Variants in RBFOX1 observed in about 807,000 individuals in gnomAD.
RBFOX1 encodes the protein RNA binding protein fox-1 homolog 1.
Under a neutral mutation model 57.7 loss-of-function variants are expected in RBFOX1, and 8 were observed. That is an observed-to-expected ratio of 0.14 (90% CI 0.08 to 0.25). The LOEUF (loss-of-function observed/expected upper bound fraction) is 0.25. Ranked by LOEUF, RBFOX1 falls within the 10% of genes least tolerant of loss-of-function variation. The pLI is 1.00. For missense variants in RBFOX1, 611 were observed against 548.5 expected (o/e 1.11, Z -1.14); for synonymous variants, 326 against 222.4 (o/e 1.47, Z -4.15).
chr16:6,296,276 T>G, intron 1 of RBFOX1, among the ~76,000 whole-genome samples: 1 of 152,118 alleles, frequency 6.6e-6, no homozygotes, highest in South Asian at 2.1e-4. Flanking sequence ...GGATAAACAT[T>G]TGGCTCCGGA....
chr16:6,981,425 T>G (rs1204168100), intron 3 of RBFOX1, among the ~76,000 whole-genome samples: 1 of 152,172 alleles, frequency 6.6e-6, no homozygotes, highest in Non-Finnish European at 1.5e-5. Context: ...GGACATCATC[T>G]TATTCTTACT....
intron 2 of RBFOX1, among the ~76,000 whole-genome samples, chr16:6,608,181 C>T (rs888128552): frequency 1.3e-5 from 2 of 152,150 alleles, no homozygotes; most frequent in African/African-American, 2.4e-5. Context: ...TATTTTGAGT[C>T]TGTATCCTTG....
intron 4 of RBFOX1, among the ~76,000 whole-genome samples, chr16:7,142,398 T>C (rs1401651072): frequency 6.6e-6 from 1 of 152,176 alleles, no homozygotes. Context: ...CCTGAGCTTC[T>C]TGTTGATGTC....
At chr16:7,654,034 C>T in intron 12 of RBFOX1, 87 bp downstream of exon 12, 1 of 1,366,582 alleles carries the variant, frequency 7.3e-7, no homozygotes, top group East Asian at 2.7e-5. Context: ...GCATGATGGT[C>T]TTGACTCCCC....
At chr16:7,037,630 TGTGATAG>T (rs1488197139) in intron 3 of RBFOX1, among the ~76,000 whole-genome samples, 1 of 152,220 alleles carries the variant, frequency 6.6e-6, no homozygotes, top group Admixed American at 6.5e-5. Context: ...GTGCTTTCCG[TGTGATAG>T]GCACTCTTCT....
chr16:6,995,781 CA>C (rs1057339461), intron 3 of RBFOX1, among the ~76,000 whole-genome samples: 1 of 151,400 alleles, frequency 6.6e-6, no homozygotes, highest in Non-Finnish European at 1.5e-5. Flanking sequence ...TAATAAAAAA[CA>C]AAAAAAGGGA....
At chr16:5,885,096 A>G (rs552149622) in intron 4 of RBFOX1, among the ~76,000 whole-genome samples, 1 of 152,196 alleles carries the variant, frequency 6.6e-6, no homozygotes, top group Admixed American at 6.5e-5. Context: ...CATTCTCCAA[A>G]TGGAGAAGCT....
Position 6,859,143 on chromosome 16 carries a change from A to ATATATG in RBFOX1, c.-15-192909_-15-192908insGTATAT, listed in dbSNP as rs1555536791. Among the ~76,000 whole-genome samples, 185 of 88,078 alleles carry ATATATG rather than the reference A, an allele frequency of 2.1e-3. 6 individuals are homozygous for ATATATG. The highest frequency in any genetic ancestry group is 9.7e-3 in the African/African-American group (171 of 17,612). 57.8% of individuals were successfully genotyped at this position (88,078 alleles called of 152,430 possible). ...TATATATATATACATATATATACGTATATATATATGTATATATATACGTAT... is the reference window on the plus strand; with the variant it reads ...TATATATATATACATATATATACGTATATATGTATATATATGTATATATATACGTAT... On this transcript the variant is annotated intron_variant, in intron 3 of 15. Transcript: ENST00000550418.
intron 1 of RBFOX1, among the ~76,000 whole-genome samples, chr16:6,295,117 T>TTG (rs1567872191): frequency 1.4e-4 from 20 of 146,406 alleles, no homozygotes; most frequent in African/African-American, 3.1e-4. Flanking sequence ...TTTTTTTTTT[T>TTG]TTTTTTTTTG....
At chr16:6,954,845 C>G (rs987954890) in intron 3 of RBFOX1, among the ~76,000 whole-genome samples, 3 of 152,074 alleles carry the variant, frequency 2.0e-5, no homozygotes, top group Non-Finnish European at 2.9e-5. Flanking sequence ...ACTTTATAAC[C>G]TTGGGCAAGT....
chr16:6,186,135 G>A (rs975320439), intron 1 of RBFOX1, among the ~76,000 whole-genome samples: 1 of 152,084 alleles, frequency 6.6e-6, no homozygotes, highest in Non-Finnish European at 1.5e-5. Context: ...TTTTGGCTGT[G>A]ATCTGTAAAC....
At chr16:5,752,058 G>T (rs889677450) in intron 3 of RBFOX1, among the ~76,000 whole-genome samples, 2 of 152,172 alleles carry the variant, frequency 1.3e-5, no homozygotes, top group East Asian at 1.9e-4. Context: ...TAGAGAAAAT[G>T]TATGCATATA....
chr16:7,527,970 G>A (rs1374468686), intron 5 of RBFOX1, among the ~76,000 whole-genome samples: 1 of 152,180 alleles, frequency 6.6e-6, no homozygotes, highest in Non-Finnish European at 1.5e-5. Context: ...TGTATTTAAT[G>A]ATTTATAGAC....
intron 3 of RBFOX1, among the ~76,000 whole-genome samples, chr16:5,764,432 T>G (rs143801464): frequency 7.2e-4 from 109 of 152,294 alleles, no homozygotes; most frequent in Non-Finnish European, 1.3e-3. Flanking sequence ...ATTAAACCCC[T>G]TTTCTTTTTA....
chr16:6,806,846 T>G (rs1411182601), intron 3 of RBFOX1, among the ~76,000 whole-genome samples: 3 of 59,084 alleles, frequency 5.1e-5, no homozygotes, highest in Non-Finnish European at 1.2e-4. Context: ...ATTTTTTTTT[T>G]TTTTTGAGAG....
chr16:7,152,242 G>C (rs2076245304), intron 4 of RBFOX1, among the ~76,000 whole-genome samples: 1 of 152,204 alleles, frequency 6.6e-6, no homozygotes, highest in Non-Finnish European at 1.5e-5. Flanking sequence ...GGTAGCACAA[G>C]TAGGCTGTGC....
In RBFOX1 at chr16:5,411,710, G is replaced by A. The variant is rs112729469; in HGVS notation, c.220-55506G>A. Among the ~76,000 whole-genome samples the A allele has an allele frequency of 2.1e-3, 320 of 151,486 alleles. 1 individual carries two copies. Among genetic ancestry groups the A allele is most frequent in the Non-Finnish European group, 3.8e-3 (255 of 67,856 alleles). ...AGCCCAGGAGTTTGAGACCAGCCTG[G>A]GCAACATGGAAAGACCCCATCTGTA... is the stretch of plus-strand genomic sequence containing the variant. On this transcript the variant is annotated intron_variant, in intron 1 of 2. Coordinates refer to the RBFOX1 transcript ENST00000585867.
chr16:6,861,530 A>G (rs1016311276), intron 3 of RBFOX1, among the ~76,000 whole-genome samples: 1 of 143,460 alleles, frequency 7.0e-6, no homozygotes. Context: ...TCAACTCTCA[A>G]TGTTCCTTTA....
intron 1 of RBFOX1, among the ~76,000 whole-genome samples, chr16:6,312,367 C>G (rs2080439255): frequency 6.6e-6 from 1 of 152,120 alleles, no homozygotes; most frequent in South Asian, 2.1e-4. Context: ...TCTTCTCTCT[C>G]TCATTGCTAC....
Sources: allele counts gnomAD v4.1 joint callset (sites outside exome capture counted in the v4.1 genomes callset), GRCh38; gene constraint gnomAD v4.1.1; transcripts MANE v1.5; gene names NCBI Gene and HGNC (gene_info 2026-07-23, HGNC 2026-07-21).